The following ARFGEF2 variants were observed in gnomAD, a reference collection of about 807,000 sequenced individuals.
ARFGEF2 encodes the protein brefeldin A-inhibited guanine nucleotide-exchange protein 2.
In ARFGEF2, 74 loss-of-function variants were observed where a neutral mutation model predicts 219.9. That is an observed-to-expected ratio of 0.34 (90% CI 0.28 to 0.41). The LOEUF is 0.41. ARFGEF2 is among the 10% of genes least tolerant of loss of function. The pLI, the probability that ARFGEF2 is intolerant of heterozygous loss-of-function variation, is 1.00. For missense variants in ARFGEF2, 1,743 were observed against 2,218.3 expected, an observed-to-expected ratio of 0.79 and a Z score of 4.30; for synonymous variants, 733 against 799.2, an observed-to-expected ratio of 0.92 and a Z score of 1.40.
chr20:49,032,263 C>G, intron 38 of ARFGEF2, 97 bp downstream of exon 38: 1 of 875,846 alleles, frequency 1.1e-6, no homozygotes, highest in Non-Finnish European at 1.9e-6. Flanking sequence ...CTCAGTTCTC[C>G]CAAGGATGGT....
intron 3 of ARFGEF2, among the ~76,000 whole-genome samples, chr20:48,950,814 ATATATATATATATATAT>A (rs2091065145): frequency 9.8e-5 from 5 of 50,878 alleles, no homozygotes; most frequent in Non-Finnish European, 1.7e-4. Context: ...AAAAAAAAAT[ATATATATATATATATAT>A]ATATATATAT....
At chr20:48,955,467 C>G (rs2091100032) in intron 6 of ARFGEF2, among the ~76,000 whole-genome samples, 1 of 152,208 alleles carries the variant, frequency 6.6e-6, no homozygotes. Flanking sequence ...GGCTGCCCTG[C>G]TCACCACCAT....
At chr20:49,011,774 C>T (rs1205305700) in intron 27 of ARFGEF2, 150 bp from the exon 28 acceptor site, 3 of 1,007,288 alleles carry the variant, frequency 3.0e-6, no homozygotes, top group Non-Finnish European at 4.7e-6. Context: ...GAAAAACTGT[C>T]TTCCAAAGAT....
rs183107126 is a variant in ARFGEF2, at chr20:49,028,761, C to T, written c.5063+93C>T. ...GATTGAAAAGAGTAAGAGAAAAATA[C>T]ATGCTGACACTCTGACAAATTTTTT... On this transcript the variant is annotated intron_variant, in intron 37 of 38. Coordinates refer to ENST00000371917, the MANE Select transcript of ARFGEF2 (RefSeq NM_006420.3). The T allele has an allele frequency of 3.1e-4, 430 of 1,397,582 alleles. 4 individuals carry two copies. The African/African-American group carries it at 5.1e-3, about 17-fold the overall frequency. The allele number at this position is 1,397,582 out of a possible 1,614,324, so 86.6% of individuals were successfully genotyped here. A position where few individuals can be genotyped will look rare whatever the true frequency, so the allele number is the denominator to read the frequency against.
rs767123182 is a variant in ARFGEF2 at position 48,989,246 on chromosome 20, G to A, written c.2534-39G>A. Reference sequence around the variant, plus strand: ...GTGTATGGCATGTAGCCAGCCCTCAGTGACTGCTAGCCACACCTATCATGC... The same window carrying A: ...GTGTATGGCATGTAGCCAGCCCTCAATGACTGCTAGCCACACCTATCATGC... On this transcript the variant is annotated intron_variant, in intron 18 of 38. Transcript: ENST00000371917. 1.1e-5 allele frequency: 18 copies of A among 1,612,784 alleles called. No individual in the cohort carries two copies. The South Asian group carries it at 2.0e-4, about 18-fold the overall frequency.
intron 6 of ARFGEF2, among the ~76,000 whole-genome samples, chr20:48,955,556 A>G (rs899954034): frequency 2.0e-5 from 3 of 152,300 alleles, no homozygotes; most frequent in African/African-American, 7.2e-5. Context: ...TGGGGAAAAA[A>G]CGTTATTGCT....
chr20:48,928,066 A>G (rs1203815342), intron 1 of ARFGEF2, among the ~76,000 whole-genome samples: 1 of 152,214 alleles, frequency 6.6e-6, no homozygotes, highest in East Asian at 1.9e-4. Context: ...CAAGGTGATA[A>G]AGATAGTAAT....
rs185175692 is a variant in ARFGEF2, at chr20:49,028,186, A to G, written c.4925-344A>G. ...GGCAGGAGAATCGCTTGAACCTGGGAGGCGGAGGTTGCAGTGAGCCGAGAT... is the reference window on the plus strand; with the variant it reads ...GGCAGGAGAATCGCTTGAACCTGGGGGGCGGAGGTTGCAGTGAGCCGAGAT... On this transcript the variant is annotated intron_variant, in intron 36 of 38. Coordinates refer to ENST00000371917, the MANE Select transcript of ARFGEF2 (RefSeq NM_006420.3). Among the ~76,000 whole-genome samples the G allele has an allele frequency of 3.5e-3, 533 of 152,262 alleles. 2 individuals are homozygous for G. The highest frequency in any genetic ancestry group is 5.7e-3 in the Non-Finnish European group (387 of 68,004).
chr20:48,971,637 C>G (rs932586512), intron 10 of ARFGEF2, among the ~76,000 whole-genome samples: 2 of 151,724 alleles, frequency 1.3e-5, no homozygotes, highest in African/African-American at 4.8e-5. Context: ...CGCCATGGCT[C>G]ACGCCTGTAA....
chr20:48,971,030 C>G, intron 9 of ARFGEF2, 90 bp from the exon 10 acceptor site: 1 of 1,046,112 alleles, frequency 9.6e-7, no homozygotes, highest in Non-Finnish European at 1.5e-6. Context: ...AAATTCTACT[C>G]ATTGGTAAAG....
chr20:48,932,452 T>C (rs1282677064), intron 1 of ARFGEF2, among the ~76,000 whole-genome samples: 2 of 152,066 alleles, frequency 1.3e-5, no homozygotes, highest in Non-Finnish European at 2.9e-5. Flanking sequence ...TGGTGGGTAA[T>C]TGGGGCTCTG....
At chr20:49,023,601 C>T (rs1167593386) in intron 35 of ARFGEF2, among the ~76,000 whole-genome samples, 6 of 149,892 alleles carry the variant, frequency 4.0e-5, no homozygotes, top group African/African-American at 1.2e-4. Context: ...TGCAGTGGCG[C>T]GATCTCGGCT....
At chr20:48,964,261 C>T (rs113461846) in intron 7 of ARFGEF2, among the ~76,000 whole-genome samples, 2,344 of 152,236 alleles carry the variant, frequency 0.015, 68 homozygotes, top group South Asian at 0.084. Context: ...AAAAAGTAGC[C>T]GGGCGTGGTG....
At chr20:49,029,258 G>A (rs1568746902) in intron 37 of ARFGEF2, among the ~76,000 whole-genome samples, 1 of 152,168 alleles carries the variant, frequency 6.6e-6, no homozygotes, top group Non-Finnish European at 1.5e-5. Flanking sequence ...TTCCTCTAAG[G>A]TATAAAAACA....
chr20:48,985,316 C>A, intron 15 of ARFGEF2, 92 bp from the exon 16 acceptor site: 1 of 1,372,196 alleles, frequency 7.3e-7, no homozygotes, highest in Non-Finnish European at 1.0e-6. Flanking sequence ...CAGTTAGGGC[C>A]AGGCTATTCT....
intron 35 of ARFGEF2, among the ~76,000 whole-genome samples, chr20:49,024,673 TAA>T (rs1415479736): frequency 6.6e-6 from 1 of 152,216 alleles, no homozygotes; most frequent in East Asian, 1.9e-4. Context: ...GCTTGTTCAG[TAA>T]AGTTTCCTAG....
intron 14 of ARFGEF2, among the ~76,000 whole-genome samples, chr20:48,980,650 A>G (rs2091289497): frequency 1.3e-5 from 2 of 152,188 alleles, no homozygotes; most frequent in Non-Finnish European, 2.9e-5. Flanking sequence ...GACTTGCTTT[A>G]TGAATCTAGG....
intron 13 of ARFGEF2, 85 bp downstream of exon 13, chr20:48,974,959 T>A: frequency 8.3e-7 from 1 of 1,208,292 alleles, no homozygotes; most frequent in Non-Finnish European, 1.2e-6. Flanking sequence ...TATAGTTGTC[T>A]TAGAATTGAA....
At chr20:49,016,178 T>G (rs2091528602) in intron 30 of ARFGEF2, 102 bp from the exon 31 acceptor site, 1 of 1,226,570 alleles carries the variant, frequency 8.2e-7, no homozygotes, top group Admixed American at 1.9e-5. Context: ...TTGATACATA[T>G]CACCAAATTG....
Sources: allele counts gnomAD v4.1 joint callset (sites outside exome capture counted in the v4.1 genomes callset), GRCh38; gene constraint gnomAD v4.1.1; transcripts MANE v1.5; gene names NCBI Gene and HGNC (gene_info 2026-07-23, HGNC 2026-07-21).